LONP2: variants seen among roughly 807,000 people sequenced by gnomAD.
LONP2 encodes lon peptidase 2, peroxisomal.
In LONP2, 60 loss-of-function variants were observed where a neutral mutation model predicts 85.6. The ratio of observed to expected loss-of-function variants is 0.70; its 90% CI spans 0.57 to 0.87. The LOEUF (loss-of-function observed/expected upper bound fraction) is 0.87. Ranked by LOEUF, LONP2 falls within the 40% of genes least tolerant of loss-of-function variation. LONP2 has a pLI of 0.00. For missense variants in LONP2, 860 were observed against 1,063.5 expected (o/e 0.81, Z 2.66); for synonymous variants, 395 against 389.7 (o/e 1.01, Z -0.16).
rs529394894 is a variant in LONP2, at chr16:48,244,454, C to T, written c.66C>T (p.Val22=). 18 of 1,596,462 alleles carry T rather than the reference C, an allele frequency of 1.1e-5. No homozygotes were observed. In the South Asian group the frequency reaches 1.8e-4, roughly 16 times the overall value. ...RLPLLLTHEG[V]LLPGSTMRTS... ...CGCTGCTGCTCACCCACGAGGGCGT[C>T]CTGCTGCCCGGCTCCACCATGCGCA... is the stretch of plus-strand genomic sequence containing the variant. The change falls in exon 1 of 15, where the codon GTC becomes GTT. Residue 22 remains valine (V), a synonymous_variant. Transcript: ENST00000285737.
chr16:48,273,519 A>G (rs1972146626), intron 7 of LONP2, among the ~76,000 whole-genome samples: 1 of 152,154 alleles, frequency 6.6e-6, no homozygotes, highest in African/African-American at 2.4e-5. Flanking sequence ...GTATTAACTC[A>G]TTCAGTTTTT....
chr16:48,354,196 CTTTTTTTTTTT>C lies in LONP2; in HGVS notation c.*2413_*2423del, dbSNP rs1159788312. 1.6e-3 allele frequency: 75 copies of C among 46,192 alleles called. No individual in the cohort carries two copies. The highest frequency in any genetic ancestry group is 3.5e-3 in the South Asian group (5 of 1,442). 2.9% of individuals were successfully genotyped at this position (46,192 alleles called of 1,614,324 possible). On this transcript the variant is annotated 3_prime_UTR_variant, in exon 15 of 15. Transcript: ENST00000285737. ...GATCTAAGCATGTCCACTCTACACGCTTTTTTTTTTTTTTTTTTTTTTTTTTTTTGAGATGG... is the reference window on the plus strand; with the variant it reads ...GATCTAAGCATGTCCACTCTACACGCTTTTTTTTTTTTTTTTTTGAGATGG...
At chr16:48,254,457 G>A (rs111480486) in intron 2 of LONP2, among the ~76,000 whole-genome samples, 1,862 of 150,918 alleles carry the variant, frequency 0.012, 39 homozygotes, top group African/African-American at 0.042. Context: ...TCCGCCTCCC[G>A]GGTTCAAGCG....
At chr16:48,336,515 AAG>A (rs1366856347) in intron 12 of LONP2, 11 of 450,052 alleles carry the variant, frequency 2.4e-5, no homozygotes, top group East Asian at 1.4e-4. Flanking sequence ...TGAGTCCGAA[AAG>A]AGAGTCAGCA....
chr16:48,299,821 CA>C (rs1567330252), intron 10 of LONP2, 33 bp downstream of exon 10: 1 of 1,594,500 alleles, frequency 6.3e-7, no homozygotes, highest in East Asian at 2.3e-5. Context: ...TCATTAACTC[CA>C]GGCAACTTTT....
At chr16:48,254,276 C>T (rs903130351) in intron 2 of LONP2, among the ~76,000 whole-genome samples, 1 of 152,182 alleles carries the variant, frequency 6.6e-6, no homozygotes, top group Non-Finnish European at 1.5e-5. Flanking sequence ...TCTAGCTCTA[C>T]TGAATGTAAA....
At chr16:48,341,193 G>A (rs1444782484) in intron 12 of LONP2, among the ~76,000 whole-genome samples, 2 of 152,086 alleles carry the variant, frequency 1.3e-5, no homozygotes, top group South Asian at 2.1e-4. Context: ...TCAGCTACTC[G>A]AGAGGCCGAG....
chr16:48,317,819 C>T (rs973819502), intron 11 of LONP2, among the ~76,000 whole-genome samples: 1 of 152,234 alleles, frequency 6.6e-6, no homozygotes, highest in Non-Finnish European at 1.5e-5. Context: ...CTTGAGCCCC[C>T]TGCTGACCAC....
chr16:48,285,970 C>G (rs755048273), intron 8 of LONP2, among the ~76,000 whole-genome samples: 2 of 152,114 alleles, frequency 1.3e-5, no homozygotes, highest in African/African-American at 4.8e-5. Flanking sequence ...CAGTCCCTGG[C>G]AGCTACCATT....
At position 48,355,862 on chromosome 16, in the gene LONP2, G is replaced by GACTT. The variant is rs1158513613; in HGVS notation, c.*4062_*4065dup. 1 of 152,130 alleles carries GACTT rather than the reference G, an allele frequency of 6.6e-6. No individual in the cohort carries two copies. Among genetic ancestry groups the GACTT allele is most frequent in the African/African-American group, 2.4e-5 (1 of 41,408 alleles). 9.4% of individuals were successfully genotyped at this position (152,130 alleles called of 1,614,324 possible). On this transcript the variant is annotated 3_prime_UTR_variant, in exon 15 of 15. Coordinates refer to ENST00000285737, the MANE Select transcript of LONP2 (RefSeq NM_031490.5). ...ACTCTAGAAATTTTAGTTTAAACTA[G>GACTT]ACTTAGGGATATGTGTATTTTACCG...
At chr16:48,284,202 A>G (rs1156353078) in intron 8 of LONP2, among the ~76,000 whole-genome samples, 3 of 152,220 alleles carry the variant, frequency 2.0e-5, no homozygotes, top group Non-Finnish European at 1.5e-5. Flanking sequence ...TGAGGATGCT[A>G]TGAACCTTGT....
intron 11 of LONP2, among the ~76,000 whole-genome samples, chr16:48,316,886 T>C (rs1206613489): frequency 4.6e-5 from 7 of 152,158 alleles, no homozygotes; most frequent in Admixed American, 3.3e-4. Flanking sequence ...ATGCCAGACA[T>C]TGGATGAAAA....
At chr16:48,314,671 C>G (rs897246044) in intron 11 of LONP2, among the ~76,000 whole-genome samples, 2 of 152,118 alleles carry the variant, frequency 1.3e-5, no homozygotes, top group African/African-American at 4.8e-5. Context: ...ATCTGATCTT[C>G]TTAAATAAGT....
chr16:48,354,012 T>C lies in LONP2; in HGVS notation c.*2210T>C, dbSNP rs942650579. On this transcript the variant is annotated 3_prime_UTR_variant, in exon 15 of 15. Coordinates refer to ENST00000285737, the MANE Select transcript of LONP2 (RefSeq NM_031490.5). ...TTGGTTTGTTTTGTTTTTTTTTTAA[T>C]TCCAGGGGTGGGAGGTTGGTTGGTT... 1.4e-5 allele frequency: 2 copies of C among 143,530 alleles called. No individual in the cohort carries two copies. Among genetic ancestry groups the C allele is most frequent in the Admixed American group, 7.4e-5 (1 of 13,588 alleles). 8.9% of individuals were successfully genotyped at this position (143,530 alleles called of 1,614,324 possible).
At chr16:48,342,099 T>C (rs144510002) in intron 12 of LONP2, among the ~76,000 whole-genome samples, 1 of 152,306 alleles carries the variant, frequency 6.6e-6, no homozygotes, top group African/African-American at 2.4e-5. Context: ...ATATACCTGG[T>C]TGGGGACAGG....
downstream of LONP2, chr16:48,357,486 T>C (rs1960417653): frequency 6.6e-6 from 1 of 150,904 alleles, no homozygotes; most frequent in South Asian, 2.1e-4. Flanking sequence ...GTACCTTTCA[T>C]GTTTAACCTA....
At chr16:48,348,728 A>G (rs1960051507) in intron 14 of LONP2, among the ~76,000 whole-genome samples, 1 of 152,120 alleles carries the variant, frequency 6.6e-6, no homozygotes, top group Non-Finnish European at 1.5e-5. Context: ...TCCAGGTCTC[A>G]TGCAGTCCTC....
intron 6 of LONP2, among the ~76,000 whole-genome samples, chr16:48,266,515 C>A (rs1019209317): frequency 4.6e-5 from 7 of 152,048 alleles, no homozygotes; most frequent in Non-Finnish European, 8.8e-5. Context: ...CTTCCTTCTT[C>A]CCCGCCCCTT....
chr16:48,264,710 T>G (rs938019266), intron 6 of LONP2, among the ~76,000 whole-genome samples: 4 of 152,236 alleles, frequency 2.6e-5, no homozygotes, highest in Admixed American at 2.6e-4. Context: ...ATGAAATCTT[T>G]ACGATTTATG....
Sources: allele counts gnomAD v4.1 joint callset (sites outside exome capture counted in the v4.1 genomes callset), GRCh38; gene constraint gnomAD v4.1.1; transcripts MANE v1.5; gene names NCBI Gene and HGNC (gene_info 2026-07-23, HGNC 2026-07-21).